Variants in TENM3 observed in about 807,000 individuals in gnomAD.
TENM3 encodes the protein teneurin-3.
Under a neutral mutation model 255.1 loss-of-function variants are expected in TENM3, and 63 were observed. The observed-to-expected ratio is 0.25, with a 90% CI of 0.20 to 0.30. The LOEUF (loss-of-function observed/expected upper bound fraction) is 0.30, where lower values mean the gene tolerates loss of function less well. Ranked by LOEUF, TENM3 falls within the 10% of genes least tolerant of loss-of-function variation. The probability of loss-of-function intolerance (pLI) is 1.00; values close to 1 mark genes in which losing one functional copy is unlikely to be tolerated. For missense variants in TENM3, 2,929 were observed against 3,461.1 expected, an observed-to-expected ratio of 0.85 and a Z score of 3.86; for synonymous variants, 1,306 against 1,322.3, an observed-to-expected ratio of 0.99 and a Z score of 0.27.
chr4:182,007,890 C>T, the TENM3 span, among the ~76,000 whole-genome samples: 1 of 152,180 alleles, frequency 6.6e-6, no homozygotes, highest in African/African-American at 2.4e-5. Flanking sequence ...TTTAATGCTT[C>T]TTTCAGGAGC....
the TENM3 span, among the ~76,000 whole-genome samples, chr4:182,090,520 G>A: frequency 6.6e-6 from 1 of 152,176 alleles, no homozygotes; most frequent in African/African-American, 2.4e-5. Flanking sequence ...TCTTGGAAGT[G>A]GAGTCCTAAA....
At chr4:181,847,084 G>A in the TENM3 span, among the ~76,000 whole-genome samples, 15 of 152,294 alleles carry the variant, frequency 9.8e-5, no homozygotes, top group East Asian at 1.9e-4. Context: ...GCTGCTTTCC[G>A]AACACCAGCA....
chr4:182,101,092 GAGGGAGGGAGGGAGGAAGGAAAGAAGGA>G, the TENM3 span, among the ~76,000 whole-genome samples: 339 of 33,198 alleles, frequency 0.01, 37 homozygotes, highest in African/African-American at 0.031. Context: ...GGGAGGGAGG[GAGGGAGGGAGGGAGGAAGGAAAGAAGGA>G]AGGAAAGAAG....
At chr4:182,439,831 T>A (rs567764591) in intron 3 of TENM3, among the ~76,000 whole-genome samples, 1 of 152,322 alleles carries the variant, frequency 6.6e-6, no homozygotes, top group African/African-American at 2.4e-5. Context: ...CTGTCCCAAT[T>A]CTTGAAATCT....
At chr4:181,873,990 G>A in the TENM3 span, among the ~76,000 whole-genome samples, 10 of 152,160 alleles carry the variant, frequency 6.6e-5, no homozygotes, top group African/African-American at 1.9e-4. Context: ...TCACCATGTT[G>A]GCAAGGCTGG....
chr4:182,161,957 GTGTATATATATATATATATATATATATA>G (rs369961684), intron 1 of TENM3, among the ~76,000 whole-genome samples: 7,966 of 44,836 alleles, frequency 0.18, 978 homozygotes, highest in Non-Finnish European at 0.23. Flanking sequence ...GTGTGTGTGT[GTGTATATATATATATATATATATATATA>G]TATATATATA....
the TENM3 span, among the ~76,000 whole-genome samples, chr4:181,695,158 T>G: frequency 6.6e-6 from 1 of 152,210 alleles, no homozygotes; most frequent in Non-Finnish European, 1.5e-5. Flanking sequence ...TAACAAATAA[T>G]TTTGCTAGTA....
the TENM3 span, among the ~76,000 whole-genome samples, chr4:181,535,438 C>G: frequency 6.6e-6 from 1 of 152,176 alleles, no homozygotes; most frequent in African/African-American, 2.4e-5. Context: ...TAGGCTCTTG[C>G]AATAGCCTTC....
the TENM3 span, among the ~76,000 whole-genome samples, chr4:181,912,252 G>T: frequency 2.0e-5 from 3 of 152,352 alleles, no homozygotes. Flanking sequence ...ATTCTGATAG[G>T]ATGGGTCTCA....
chr4:182,598,005 C>A (rs182955427), intron 3 of TENM3, among the ~76,000 whole-genome samples: 1 of 152,230 alleles, frequency 6.6e-6, no homozygotes, highest in African/African-American at 2.4e-5. Flanking sequence ...CATAGTGAGA[C>A]CTTGTCTCTA....
the TENM3 span, among the ~76,000 whole-genome samples, chr4:181,970,657 G>T: frequency 6.6e-6 from 1 of 152,038 alleles, no homozygotes; most frequent in African/African-American, 2.4e-5. Context: ...CTTAATCAGG[G>T]TTCCAGAGGC....
At chr4:182,651,800 G>A (rs1369348226) in intron 5 of TENM3, among the ~76,000 whole-genome samples, 3 of 147,666 alleles carry the variant, frequency 2.0e-5, no homozygotes, top group Non-Finnish European at 1.5e-5. Flanking sequence ...CAGGGTAGAT[G>A]TCGCTATCTA....
intron 3 of TENM3, among the ~76,000 whole-genome samples, chr4:182,366,115 A>G (rs1374938313): frequency 6.6e-6 from 1 of 152,132 alleles, no homozygotes; most frequent in Non-Finnish European, 1.5e-5. Context: ...ATTAAGTTGC[A>G]AATAGTTTTT....
At chr4:181,864,713 G>C in the TENM3 span, among the ~76,000 whole-genome samples, 1 of 152,136 alleles carries the variant, frequency 6.6e-6, no homozygotes, top group Non-Finnish European at 1.5e-5. Context: ...CGCCCGTATA[G>C]GTATGAACTG....
At chr4:181,717,900 G>A in the TENM3 span, among the ~76,000 whole-genome samples, 37 of 152,278 alleles carry the variant, frequency 2.4e-4, no homozygotes, top group African/African-American at 8.4e-4. Context: ...ACCTTCGCGG[G>A]ATAACATGTG....
the TENM3 span, among the ~76,000 whole-genome samples, chr4:182,116,329 T>C: frequency 6.8e-6 from 1 of 146,136 alleles, no homozygotes; most frequent in African/African-American, 2.5e-5. Flanking sequence ...CTCAGTAATA[T>C]GCATTGAAGT....
intron 3 of TENM3, among the ~76,000 whole-genome samples, chr4:182,592,214 T>A (rs1235935212): frequency 6.6e-6 from 1 of 151,868 alleles, no homozygotes; most frequent in Admixed American, 6.6e-5. Flanking sequence ...TCCTGAAATG[T>A]AACCAGATCA....
chr4:182,231,789 A>G (rs993393642), intron 1 of TENM3, among the ~76,000 whole-genome samples: 2 of 152,148 alleles, frequency 1.3e-5, no homozygotes, highest in East Asian at 3.9e-4. Flanking sequence ...CGAGCCTGGG[A>G]TGCACCCGAG....
At chr4:182,078,662 T>C in the TENM3 span, among the ~76,000 whole-genome samples, 1 of 152,174 alleles carries the variant, frequency 6.6e-6, no homozygotes, top group African/African-American at 2.4e-5. Context: ...GGGGAGGAAC[T>C]GTGTCAGTGT....
Sources: allele counts gnomAD v4.1 joint callset (sites outside exome capture counted in the v4.1 genomes callset), GRCh38; gene constraint gnomAD v4.1.1; transcripts MANE v1.5; gene names NCBI Gene and HGNC (gene_info 2026-07-23, HGNC 2026-07-21).